Variants in MCTP1 observed in about 807,000 individuals in gnomAD.
The protein encoded by MCTP1 is multiple C2 and transmembrane domain-containing protein 1.
A neutral mutation model predicts 120.6 loss-of-function variants in MCTP1; 69 were observed. The observed-to-expected ratio is 0.57, with a 90% CI of 0.47 to 0.70. The LOEUF is 0.70. Among genes scored for constraint, MCTP1 ranks in the 30% least tolerant of loss-of-function variants. The probability of loss-of-function intolerance (pLI) is 0.00; values close to 1 mark genes in which losing one functional copy is unlikely to be tolerated. For missense variants in MCTP1, 1,203 were observed against 1,248.8 expected, an observed-to-expected ratio of 0.96 and a Z score of 0.55; for synonymous variants, 529 against 493.1, an observed-to-expected ratio of 1.07 and a Z score of -0.96.
At chr5:95,046,467 C>T (rs576495132) in intron 1 of MCTP1, among the ~76,000 whole-genome samples, 2 of 152,128 alleles carry the variant, frequency 1.3e-5, no homozygotes, top group South Asian at 4.2e-4. Flanking sequence ...TAATAGTCTC[C>T]CTATTGATCA....
At chr5:95,235,952 T>C (rs1755498422) in intron 1 of MCTP1, among the ~76,000 whole-genome samples, 1 of 152,170 alleles carries the variant, frequency 6.6e-6, no homozygotes, top group Non-Finnish European at 1.5e-5. Flanking sequence ...TAATTAATTA[T>C]GGAGATACAG....
chr5:94,965,457 A>G (rs1159018107), intron 2 of MCTP1, among the ~76,000 whole-genome samples: 1 of 151,986 alleles, frequency 6.6e-6, no homozygotes, highest in Admixed American at 6.6e-5. Context: ...TCTGTACTCC[A>G]CTAGTGTGGT....
intron 6 of MCTP1, chr5:94,931,645 C>A: frequency 3.2e-6 from 1 of 308,324 alleles, no homozygotes; most frequent in East Asian, 5.9e-5. Context: ...TGTCCCTCCC[C>A]TAGCCTCATC....
At position 94,706,081 on chromosome 5, in the gene MCTP1, G is replaced by C. The variant is rs754485538; in HGVS notation, c.*1415C>G. ...TATTGTTAAAGAATCTTCCTTTAGA[G>C]TGAAATATACATTTCTTTTAGCTTT... On this transcript the variant is annotated 3_prime_UTR_variant, in exon 23 of 23. Coordinates refer to ENST00000515393, the MANE Select transcript of MCTP1 (RefSeq NM_024717.7). 1 of 151,608 alleles carries C rather than the reference G, an allele frequency of 6.6e-6. No homozygotes were observed. Among genetic ancestry groups the C allele is most frequent in the Non-Finnish European group, 1.5e-5 (1 of 67,718 alleles). 9.4% of individuals were successfully genotyped at this position (151,608 alleles called of 1,614,324 possible).
intron 1 of MCTP1, among the ~76,000 whole-genome samples, chr5:95,168,807 T>C (rs1746799864): frequency 6.6e-6 from 1 of 152,190 alleles, no homozygotes; most frequent in Admixed American, 6.5e-5. Context: ...GCTGAGACAA[T>C]GGGGTTTTCT....
chr5:94,933,979 GA>G (rs1815479024), intron 5 of MCTP1, among the ~76,000 whole-genome samples: 1 of 151,730 alleles, frequency 6.6e-6, no homozygotes, highest in Admixed American at 6.6e-5. Flanking sequence ...GCAGTTATGA[GA>G]ACCCATTCAC....
Position 95,153,044 on chromosome 5 carries a change from C to A in MCTP1, c.720+130812G>T, listed in dbSNP as rs117840134. ...TCAGTCTCCTTAGCCAACAATATGC[C>A]ATTATAGTAATCATTATTGATATGC... On this transcript the variant is annotated intron_variant, in intron 1 of 22. Transcript: ENST00000515393. Among the ~76,000 whole-genome samples, 1,286 of 152,248 alleles carry A rather than the reference C, an allele frequency of 8.4e-3. 47 individuals are homozygous for A. Among genetic ancestry groups the A allele is most frequent in the East Asian group, 0.073 (376 of 5,172 alleles).
chr5:95,074,761 G>T (rs1486410340), intron 1 of MCTP1, among the ~76,000 whole-genome samples: 4 of 152,064 alleles, frequency 2.6e-5, no homozygotes, highest in Non-Finnish European at 5.9e-5. Context: ...CAAAAAATAT[G>T]GCTCAAAAAA....
At chr5:95,092,474 A>G (rs1755923641) in intron 1 of MCTP1, among the ~76,000 whole-genome samples, 1 of 152,324 alleles carries the variant, frequency 6.6e-6, no homozygotes, top group African/African-American at 2.4e-5. Flanking sequence ...AGGGTGACTA[A>G]AATTAGCAAC....
rs114654198 is a variant in MCTP1 at position 95,047,154 on chromosome 5, A to G, written c.721-29670T>C. ...CTGAGGATGAATCAGAGGTTGCAAC[A>G]AGCACATGAAAGTAGATGATGTCCT... is the stretch of plus-strand genomic sequence containing the variant. On this transcript the variant is annotated intron_variant, in intron 1 of 22. Transcript: ENST00000515393. Among the ~76,000 whole-genome samples the G allele has an allele frequency of 2.9e-3, 446 of 152,288 alleles. 3 individuals are homozygous for G. Among genetic ancestry groups the G allele is most frequent in the African/African-American group, 9.7e-3 (403 of 41,568 alleles).
chr5:94,856,846 T>C (rs887246732), intron 17 of MCTP1, among the ~76,000 whole-genome samples: 2 of 151,682 alleles, frequency 1.3e-5, no homozygotes, highest in African/African-American at 4.8e-5. Flanking sequence ...AGCCTTTATA[T>C]GCAACACTCT....
Position 95,067,848 on chromosome 5 carries a change from T to A in MCTP1, c.721-50364A>T, listed in dbSNP as rs997778524. Among the ~76,000 whole-genome samples the A allele has an allele frequency of 3.3e-5, 5 of 152,162 alleles. No individual in the cohort carries two copies. In the South Asian group the frequency reaches 1.0e-3, roughly 32 times the overall value. ...TGACAATTTGGAAATATACAATACA[T>A]TATTATTAATGTCACTATGCAGTGC... On this transcript the variant is annotated intron_variant, in intron 1 of 22. Transcript: ENST00000515393.
intron 12 of MCTP1, among the ~76,000 whole-genome samples, chr5:94,876,319 G>T (rs912263844): frequency 3.3e-5 from 5 of 152,012 alleles, no homozygotes; most frequent in Non-Finnish European, 7.4e-5. Flanking sequence ...TAGGCCCTCT[G>T]ATAGGCTGCT....
At chr5:95,171,105 G>C (rs972417170) in intron 1 of MCTP1, among the ~76,000 whole-genome samples, 1 of 151,954 alleles carries the variant, frequency 6.6e-6, no homozygotes, top group Non-Finnish European at 1.5e-5. Context: ...GGGCAGGCCT[G>C]GTGGTGACAA....
At chr5:94,717,274 T>C (rs992051901) in intron 19 of MCTP1, among the ~76,000 whole-genome samples, 7 of 152,014 alleles carry the variant, frequency 4.6e-5, no homozygotes, top group Non-Finnish European at 1.0e-4. Context: ...AAGACAAAAA[T>C]CACGATTATT....
chr5:95,282,442 A>G (rs1454511847), intron 1 of MCTP1, among the ~76,000 whole-genome samples: 1 of 152,176 alleles, frequency 6.6e-6, no homozygotes, highest in African/African-American at 2.4e-5. Flanking sequence ...AAGTTCCCCA[A>G]CTCTGAAATT....
At chr5:95,103,775 A>T (rs1756908723) in intron 1 of MCTP1, among the ~76,000 whole-genome samples, 1 of 152,198 alleles carries the variant, frequency 6.6e-6, no homozygotes, top group Admixed American at 6.5e-5. Flanking sequence ...CTGGTGGGTA[A>T]AATGGCCTTG....
At chr5:94,758,674 A>T (rs745855827) in intron 19 of MCTP1, among the ~76,000 whole-genome samples, 12 of 152,186 alleles carry the variant, frequency 7.9e-5, no homozygotes, top group Non-Finnish European at 1.6e-4. Flanking sequence ...TAAATAAGAA[A>T]TTTTAATTTT....
At chr5:95,025,264 T>C (rs556151897) in intron 1 of MCTP1, among the ~76,000 whole-genome samples, 11 of 152,232 alleles carry the variant, frequency 7.2e-5, no homozygotes, top group African/African-American at 1.4e-4. Flanking sequence ...AATAAACTGA[T>C]ACATTTATGA....
Sources: allele counts gnomAD v4.1 joint callset (sites outside exome capture counted in the v4.1 genomes callset), GRCh38; gene constraint gnomAD v4.1.1; transcripts MANE v1.5; gene names NCBI Gene and HGNC (gene_info 2026-07-23, HGNC 2026-07-21).